The following EPHA5 variants were observed in gnomAD, a reference collection of about 807,000 sequenced individuals.
EPHA5 encodes ephrin type-A receptor 5.
EPHA5 carries 60 observed loss-of-function variants against 105.0 expected under a neutral mutation model. That is an observed-to-expected ratio of 0.57 (90% CI 0.46 to 0.71). The LOEUF (loss-of-function observed/expected upper bound fraction) is 0.71, where lower values mean the gene tolerates loss of function less well. Ranked by LOEUF, EPHA5 falls within the 30% of genes least tolerant of loss-of-function variation. The pLI is 0.00. For missense variants in EPHA5, 1,218 were observed against 1,274.7 expected, an observed-to-expected ratio of 0.96 and a Z score of 0.68; for synonymous variants, 513 against 449.1, an observed-to-expected ratio of 1.14 and a Z score of -1.80.
intron 5 of EPHA5, among the ~76,000 whole-genome samples, chr4:65,480,523 G>A (rs1730252818): frequency 6.6e-6 from 1 of 152,084 alleles, no homozygotes; most frequent in Admixed American, 6.6e-5. Context: ...GCTTTCTGCT[G>A]ATGAAAGTGA....
Position 65,585,266 on chromosome 4 carries a change from A to T in EPHA5, c.910+16375T>A, listed in dbSNP as rs938298964. 8.5e-5 allele frequency among the ~76,000 whole-genome samples: 13 copies of T among 152,050 alleles called. No homozygotes were observed. In the South Asian group the frequency reaches 1.0e-3, roughly 12 times the overall value. On this transcript the variant is annotated intron_variant, in intron 3 of 16. Coordinates refer to ENST00000613740, the MANE Select transcript of EPHA5 (RefSeq NM_001281766.3). ...ACAGAAAATTTATAAGGGAGGAGAAAAAAAGCAGGAGATTGAAATGGGGTG... is the reference window on the plus strand; with the variant it reads ...ACAGAAAATTTATAAGGGAGGAGAATAAAAGCAGGAGATTGAAATGGGGTG...
intron 3 of EPHA5, among the ~76,000 whole-genome samples, chr4:65,570,712 G>A (rs903625652): frequency 1.2e-4 from 18 of 151,742 alleles, no homozygotes; most frequent in Admixed American, 4.6e-4. Context: ...AAAAAAAATC[G>A]TAGTATTCTA....
rs969828681 is a variant in EPHA5, at chr4:65,323,789, A to G, written c.*325T>C. The G allele has an allele frequency of 3.8e-5, 9 of 239,568 alleles. No individual in the cohort carries two copies. Among genetic ancestry groups the G allele is most frequent in the African/African-American group, 1.8e-4 (8 of 45,346 alleles). 14.8% of individuals were successfully genotyped at this position (239,568 alleles called of 1,614,324 possible). ...GAAAGGGGTTGCCTTAATTCAGTCT[A>G]TAAAAGTGCTATATAATTATATATT... On this transcript the variant is annotated 3_prime_UTR_variant, in exon 17 of 17. Coordinates refer to ENST00000613740, the MANE Select transcript of EPHA5 (RefSeq NM_001281766.3).
chr4:65,543,371 A>T (rs915429744), intron 3 of EPHA5, among the ~76,000 whole-genome samples: 4 of 152,080 alleles, frequency 2.6e-5, no homozygotes, highest in African/African-American at 4.8e-5. Context: ...AACTTCAGCA[A>T]ACTCTCAGGA....
At chr4:65,429,625 C>A (rs937623921) in intron 5 of EPHA5, among the ~76,000 whole-genome samples, 2 of 151,972 alleles carry the variant, frequency 1.3e-5, no homozygotes, top group African/African-American at 4.8e-5. Context: ...TCTCATTGGT[C>A]TTAGTCTTAT....
Position 65,404,463 on chromosome 4 carries a change from G to T in EPHA5, c.1704C>A (p.Ser568Arg). The T allele has an allele frequency of 1.2e-6, 2 of 1,613,592 alleles. No individual in the cohort carries two copies. Among genetic ancestry groups the T allele is most frequent in the Non-Finnish European group, 8.5e-7 (1 of 1,179,690 alleles). ...ETTPVSVAAS[S>R]DQSQIPVIAV... ...CAATTACAGGAATCTGGCTTTGATC[G>T]CTGGATGCTGCAACTGCTGATAGGA... Residue 568 changes from serine to arginine, a missense_variant, in exon 8 of 17, where the codon AGC becomes AGA. Transcript: ENST00000613740.
chr4:65,592,337 G>T (rs536359351), intron 3 of EPHA5, among the ~76,000 whole-genome samples: 1 of 151,970 alleles, frequency 6.6e-6, no homozygotes, highest in Non-Finnish European at 1.5e-5. Flanking sequence ...TATCCTTGGC[G>T]GCCCTGCAAG....
chr4:65,574,699 C>CAT (rs1281843317), intron 3 of EPHA5, among the ~76,000 whole-genome samples: 3 of 77,914 alleles, frequency 3.9e-5, no homozygotes, highest in African/African-American at 1.4e-4. Flanking sequence ...CATATATATA[C>CAT]ATATATATAC....
intron 3 of EPHA5, among the ~76,000 whole-genome samples, chr4:65,530,386 G>GTA (rs1440314854): frequency 6.8e-6 from 1 of 147,196 alleles, no homozygotes; most frequent in African/African-American, 2.5e-5. Context: ...CTAAGCTATC[G>GTA]TATATATGTA....
chr4:65,609,383 A>C (rs1744549184), intron 2 of EPHA5, among the ~76,000 whole-genome samples: 1 of 152,172 alleles, frequency 6.6e-6, no homozygotes, highest in Admixed American at 6.6e-5. Context: ...ATTGCTAGAA[A>C]TGACTCTATT....
intron 3 of EPHA5, among the ~76,000 whole-genome samples, chr4:65,585,183 C>G (rs1162685088): frequency 6.7e-6 from 1 of 149,936 alleles, no homozygotes; most frequent in African/African-American, 2.5e-5. Context: ...ATATGATGTG[C>G]TTAGAATAGT....
intron 9 of EPHA5, among the ~76,000 whole-genome samples, chr4:65,366,665 C>A (rs971686717): frequency 6.6e-6 from 1 of 151,590 alleles, no homozygotes; most frequent in African/African-American, 2.4e-5. Flanking sequence ...AAATAAGATA[C>A]GATTAGGAAA....
At chr4:65,517,724 G>A (rs1478786776) in intron 3 of EPHA5, among the ~76,000 whole-genome samples, 2 of 151,634 alleles carry the variant, frequency 1.3e-5, no homozygotes, top group Admixed American at 6.6e-5. Flanking sequence ...TATTCTTCAG[G>A]TGGAAAACGT....
intron 8 of EPHA5, among the ~76,000 whole-genome samples, chr4:65,402,065 C>T (rs1578025501): frequency 6.6e-6 from 1 of 152,216 alleles, no homozygotes; most frequent in East Asian, 1.9e-4. Context: ...CGGTTTTCCA[C>T]ATGCTGTTCT....
Position 65,404,381 on chromosome 4 carries a change from T to A in EPHA5, c.1786A>T (p.Ser596Cys). The part of the protein sequence containing the change: ...LLAVVIGVLL[S>C]GRRCGYSKAK... Reference sequence around the variant, plus strand: ...CACAGCTTCCTCTCTTACCTTCCACTGAGGAGGACGCCGATAACCACTGCC... The same window carrying A: ...CACAGCTTCCTCTCTTACCTTCCACAGAGGAGGACGCCGATAACCACTGCC... The change falls in exon 8 of 17, where the codon AGT becomes TGT. Residue 596 changes from serine (S) to cysteine (C), a missense_variant. Ser to Cys is a moderately radical substitution (Grantham distance 112). Coordinates refer to ENST00000613740, the MANE Select transcript of EPHA5 (RefSeq NM_001281766.3). 2 of 1,612,972 alleles carry A rather than the reference T, an allele frequency of 1.2e-6. No individual in the cohort carries two copies. Among genetic ancestry groups the A allele is most frequent in the Non-Finnish European group, 1.7e-6 (2 of 1,179,218 alleles).
At chr4:65,569,284 T>C (rs1160432219) in intron 3 of EPHA5, among the ~76,000 whole-genome samples, 2 of 151,588 alleles carry the variant, frequency 1.3e-5, no homozygotes, top group Non-Finnish European at 3.0e-5. Flanking sequence ...ATTTTATCAA[T>C]TTAAATGGCT....
chr4:65,509,433 A>G (rs959918396), intron 3 of EPHA5, among the ~76,000 whole-genome samples: 3 of 152,112 alleles, frequency 2.0e-5, no homozygotes, highest in African/African-American at 7.2e-5. Context: ...CAAAACCCGA[A>G]TGGGTCTTGG....
chr4:65,482,588 A>T (rs1172695969), intron 5 of EPHA5, among the ~76,000 whole-genome samples: 2 of 152,148 alleles, frequency 1.3e-5, no homozygotes, highest in Non-Finnish European at 2.9e-5. Flanking sequence ...TCTAGCATGC[A>T]GAGACCAAAA....
intron 5 of EPHA5, among the ~76,000 whole-genome samples, chr4:65,465,868 A>C (rs1179051256): frequency 1.3e-5 from 2 of 152,078 alleles, no homozygotes; most frequent in Non-Finnish European, 2.9e-5. Flanking sequence ...TCACTCGTTC[A>C]CTCATTTTTT....
Sources: gnomAD v4.1 joint callset for allele counts (sites outside exome capture counted in the v4.1 genomes callset) on GRCh38, gnomAD v4.1.1 for gene constraint, MANE v1.5 for transcripts, NCBI Gene and HGNC (gene_info 2026-07-23, HGNC 2026-07-21) for gene names.